Variants in PCDHA13 observed in about 807,000 individuals in gnomAD.
The protein encoded by PCDHA13 is protocadherin alpha 13.
PCDHA13 carries 54 observed loss-of-function variants against 64.8 expected under a neutral mutation model. That is an observed-to-expected ratio of 0.83 (90% CI 0.67 to 1.04). The LOEUF is 1.04. Ranked by LOEUF, PCDHA13 falls within the 50% of genes least tolerant of loss-of-function variation. The pLI, the probability that PCDHA13 is intolerant of heterozygous loss-of-function variation, is 0.00. For synonymous variants in PCDHA13, 587 were observed against 564.4 expected (o/e 1.04, Z -0.57); for missense variants, 1,248 against 1,254.3 (o/e 0.99, Z 0.08).
At chr5:141,001,451 A>T (rs2098018648) in intron 3 of PCDHA13, among the ~76,000 whole-genome samples, 1 of 152,310 alleles carries the variant, frequency 6.6e-6, no homozygotes, top group African/African-American at 2.4e-5. Flanking sequence ...TTCCACTGTC[A>T]ATTGAAGGAC....
At chr5:140,963,693 A>G (rs782642148) in intron 1 of PCDHA13, among the ~76,000 whole-genome samples, 15 of 152,210 alleles carry the variant, frequency 9.9e-5, no homozygotes, top group Non-Finnish European at 2.2e-4. Context: ...TCCGTGTTTG[A>G]TATCTAAAGG....
intron 1 of PCDHA13, among the ~76,000 whole-genome samples, chr5:140,960,080 A>G: frequency 6.6e-6 from 1 of 152,360 alleles, no homozygotes; most frequent in South Asian, 2.1e-4. Context: ...GAAGTTTCTA[A>G]AAGAGAAAGA....
intron 1 of PCDHA13, among the ~76,000 whole-genome samples, chr5:140,953,840 G>C (rs1429646408): frequency 6.6e-6 from 1 of 152,072 alleles, no homozygotes; most frequent in African/African-American, 2.4e-5. Flanking sequence ...TTGTTACCCA[G>C]GTAAACATGT....
chr5:140,974,832 T>C (rs114216401), intron 1 of PCDHA13, among the ~76,000 whole-genome samples: 60 of 152,346 alleles, frequency 3.9e-4, no homozygotes, highest in African/African-American at 1.4e-3. Context: ...ATAATGATTA[T>C]TTTAAATGTT....
chr5:140,901,196 C>T (rs1294830498), intron 1 of PCDHA13, among the ~76,000 whole-genome samples: 7 of 152,222 alleles, frequency 4.6e-5, no homozygotes, highest in African/African-American at 1.7e-4. Flanking sequence ...CTTTTCTGTG[C>T]AGAAGGTTTT....
intron 1 of PCDHA13, chr5:140,966,586 T>C (rs1339521044): frequency 5.5e-6 from 3 of 548,910 alleles, no homozygotes; most frequent in Non-Finnish European, 8.8e-6. Flanking sequence ...GCGAGGACGG[T>C]GGGGCCAGGA....
At chr5:140,914,670 C>T (rs554633450) in intron 1 of PCDHA13, among the ~76,000 whole-genome samples, 85 of 152,088 alleles carry the variant, frequency 5.6e-4, no homozygotes, top group African/African-American at 2.0e-3. Context: ...TCTTCTTTTT[C>T]ATGAAAATAA....
At chr5:140,912,810 A>G (rs887666910) in intron 1 of PCDHA13, among the ~76,000 whole-genome samples, 16 of 152,202 alleles carry the variant, frequency 1.1e-4, no homozygotes, top group African/African-American at 3.6e-4. Flanking sequence ...GGTTTTTATC[A>G]TAAAGGGATT....
intron 1 of PCDHA13, among the ~76,000 whole-genome samples, chr5:140,892,029 T>C (rs954107632): frequency 2.0e-4 from 30 of 152,336 alleles, no homozygotes; most frequent in Middle Eastern, 6.8e-3. Context: ...TGGTCTAAGA[T>C]ACTTTTATTT....
chr5:140,882,126 T>C lies in PCDHA13; in HGVS notation c.-143T>C. On this transcript the variant is annotated 5_prime_UTR_variant, in exon 1 of 4. Transcript: ENST00000289272. ...GCGAAGAAAGCCGCCGTTTCTTTCT[T>C]CCTGCAGAAAATATAGCAGAAAGCG... 6.8e-7 allele frequency: 1 copy of C among 1,466,718 alleles called. No homozygotes were observed. The highest frequency in any genetic ancestry group is 2.3e-5 in the East Asian group (1 of 43,638). 90.9% of individuals were successfully genotyped at this position (1,466,718 alleles called of 1,614,324 possible).
chr5:140,887,801 G>T (rs1377550372), intron 1 of PCDHA13, among the ~76,000 whole-genome samples: 1 of 151,856 alleles, frequency 6.6e-6, no homozygotes, highest in Non-Finnish European at 1.5e-5. Context: ...CTTTATTTTT[G>T]TCCATTTCTT....
chr5:140,937,292 C>T (rs575821972), intron 1 of PCDHA13, among the ~76,000 whole-genome samples: 2 of 152,238 alleles, frequency 1.3e-5, no homozygotes, highest in African/African-American at 4.8e-5. Context: ...CCGCTTCGGC[C>T]TCCCAAAGTG....
At chr5:140,967,784 C>G in intron 1 of PCDHA13, 1 of 1,614,174 alleles carries the variant, frequency 6.2e-7, no homozygotes, top group Non-Finnish European at 8.5e-7. Flanking sequence ...GGCGACTGAC[C>G]GGGGTCCAGT....
At chr5:140,984,030 A>T (rs900763001) in intron 3 of PCDHA13, among the ~76,000 whole-genome samples, 17 of 152,330 alleles carry the variant, frequency 1.1e-4, no homozygotes, top group African/African-American at 3.6e-4. Context: ...AAGGGGAAAA[A>T]CATAAAATAG....
At chr5:140,885,424 A>G (rs1311599501) in intron 1 of PCDHA13, among the ~76,000 whole-genome samples, 4 of 152,148 alleles carry the variant, frequency 2.6e-5, no homozygotes, top group African/African-American at 7.2e-5. Context: ...AGTATTCCAC[A>G]GTGTAAGTGT....
At chr5:141,004,080 A>G (rs1554259443) in intron 3 of PCDHA13, among the ~76,000 whole-genome samples, 1 of 152,198 alleles carries the variant, frequency 6.6e-6, no homozygotes, top group Non-Finnish European at 1.5e-5. Context: ...TAGGGGTAGA[A>G]ATGTGCTTCT....
chr5:140,912,261 C>T (rs2075834049), intron 1 of PCDHA13, among the ~76,000 whole-genome samples: 2 of 152,116 alleles, frequency 1.3e-5, no homozygotes, highest in Non-Finnish European at 2.9e-5. Context: ...TTGATGACAC[C>T]CTCACAGATA....
chr5:140,886,281 T>C (rs2060932567), intron 1 of PCDHA13, among the ~76,000 whole-genome samples: 1 of 151,934 alleles, frequency 6.6e-6, no homozygotes, highest in African/African-American at 2.4e-5. Flanking sequence ...TTTTTAAAAT[T>C]ATTTTTATAT....
intron 1 of PCDHA13, among the ~76,000 whole-genome samples, chr5:140,960,837 G>A (rs1554225051): frequency 6.6e-6 from 1 of 151,456 alleles, no homozygotes; most frequent in African/African-American, 2.5e-5. Flanking sequence ...ACTTGGAACA[G>A]GTTTAATGGC....
Sources: allele counts gnomAD v4.1 joint callset (sites outside exome capture counted in the v4.1 genomes callset), GRCh38; gene constraint gnomAD v4.1.1; transcripts MANE v1.5; gene names NCBI Gene and HGNC (gene_info 2026-07-23, HGNC 2026-07-21).